Variants in DLGAP1 observed in about 807,000 individuals in gnomAD.
The protein encoded by DLGAP1 is DLG associated protein 1, also known as disks large-associated protein 1.
A neutral mutation model predicts 90.8 loss-of-function variants in DLGAP1; 11 were observed. That is an observed-to-expected ratio of 0.12 (90% CI 0.08 to 0.20). DLGAP1 has a LOEUF of 0.20. Ranked by LOEUF, DLGAP1 falls within the 10% of genes least tolerant of loss-of-function variation. The pLI is 1.00. For missense variants in DLGAP1, 1,050 were observed against 1,333.8 expected, an observed-to-expected ratio of 0.79 and a Z score of 3.31; for synonymous variants, 558 against 540.7, an observed-to-expected ratio of 1.03 and a Z score of -0.44.
At chr18:4,387,933 A>T (rs976893246) in intron 1 of DLGAP1, among the ~76,000 whole-genome samples, 16 of 64,430 alleles carry the variant, frequency 2.5e-4, no homozygotes, top group South Asian at 5.4e-4. Context: ...TCACACATAC[A>T]CACACACACA....
At chr18:3,748,323 A>G (rs1217419821) in intron 5 of DLGAP1, among the ~76,000 whole-genome samples, 4 of 152,242 alleles carry the variant, frequency 2.6e-5, no homozygotes, top group African/African-American at 9.6e-5. Flanking sequence ...GTGTACAGTA[A>G]TCATCAGACC....
intron 3 of DLGAP1, chr18:3,983,070 T>C (rs1347186487): frequency 1.3e-5 from 2 of 152,164 alleles, no homozygotes; most frequent in East Asian, 1.9e-4. Context: ...GAGGGTTCTT[T>C]TGGGTGGTTC....
chr18:4,190,430 T>C (rs964322535), intron 1 of DLGAP1, among the ~76,000 whole-genome samples: 1 of 152,138 alleles, frequency 6.6e-6, no homozygotes, highest in African/African-American at 2.4e-5. Context: ...GAAACTATTC[T>C]GTATGATAAT....
At chr18:4,064,603 A>AT (rs2075346115) in intron 2 of DLGAP1, among the ~76,000 whole-genome samples, 1 of 152,106 alleles carries the variant, frequency 6.6e-6, no homozygotes, top group African/African-American at 2.4e-5. Flanking sequence ...GAAGAAATGG[A>AT]TAAATTCATG....
At chr18:3,982,361 A>G (rs2073750229) in intron 3 of DLGAP1, among the ~76,000 whole-genome samples, 1 of 142,030 alleles carries the variant, frequency 7.0e-6, no homozygotes, top group Non-Finnish European at 1.5e-5. Context: ...CCTTCTTCAG[A>G]TCACCTTTGA....
Position 4,329,644 on chromosome 18 carries a change from C to A in DLGAP1, c.-267+125362G>T, listed in dbSNP as rs1001938290. Among the ~76,000 whole-genome samples the A allele has an allele frequency of 3.9e-5, 6 of 151,958 alleles. No individual in the cohort carries two copies. In the East Asian group the frequency reaches 1.2e-3, roughly 29 times the overall value. On this transcript the variant is annotated intron_variant, in intron 1 of 12. Coordinates refer to ENST00000315677, the MANE Select transcript of DLGAP1 (RefSeq NM_004746.4). Reference sequence around the variant, plus strand: ...AATCTGTGAAAAGGGAATATCTCTCCGTCATTGAGTTCTTTTTAAATTTCT... The same window carrying A: ...AATCTGTGAAAAGGGAATATCTCTCAGTCATTGAGTTCTTTTTAAATTTCT...
intron 2 of DLGAP1, among the ~76,000 whole-genome samples, chr18:4,006,125 A>G (rs534794623): frequency 1.6e-4 from 24 of 152,282 alleles, no homozygotes; most frequent in Non-Finnish European, 3.2e-4. Flanking sequence ...CTTTTACCCC[A>G]TCTTTAATGC....
At chr18:4,238,294 T>A (rs1036247352) in intron 1 of DLGAP1, among the ~76,000 whole-genome samples, 15 of 152,184 alleles carry the variant, frequency 9.9e-5, no homozygotes, top group African/African-American at 3.6e-4. Flanking sequence ...TAAATAGACA[T>A]TCCAAACTAT....
intron 5 of DLGAP1, among the ~76,000 whole-genome samples, chr18:3,805,478 A>G (rs2066519835): frequency 6.6e-6 from 1 of 152,230 alleles, no homozygotes; most frequent in Admixed American, 6.5e-5. Context: ...CAATCACTCA[A>G]GTGAAAAATA....
At position 4,097,229 on chromosome 18, in the gene DLGAP1, T is replaced by C. The variant is rs935595112; in HGVS notation, c.-159+53951A>G. Among the ~76,000 whole-genome samples the C allele has an allele frequency of 5.9e-5, 9 of 152,256 alleles. 1 individual carries two copies. Among genetic ancestry groups the C allele is most frequent in the Non-Finnish European group, 1.5e-5 (1 of 68,050 alleles). ...AACCTCTCACTAGTCTACTGCATTATGCTCAGTCCGTGGTGGGGATCTGAT... is the reference window on the plus strand; with the variant it reads ...AACCTCTCACTAGTCTACTGCATTACGCTCAGTCCGTGGTGGGGATCTGAT... On this transcript the variant is annotated intron_variant, in intron 2 of 12. Coordinates refer to ENST00000315677, the MANE Select transcript of DLGAP1 (RefSeq NM_004746.4).
intron 1 of DLGAP1, chr18:4,294,525 T>C: frequency 6.6e-6 from 1 of 152,412 alleles, no homozygotes; most frequent in Non-Finnish European, 1.5e-5. Flanking sequence ...AGCATGCAGA[T>C]GAGCAGGTGC....
In DLGAP1 at chr18:3,550,734, C is replaced by CTT. The variant is rs1165404588; in HGVS notation, c.2058-16121_2058-16120dup. On this transcript the variant is annotated intron_variant, in intron 9 of 12. Coordinates refer to ENST00000315677, the MANE Select transcript of DLGAP1 (RefSeq NM_004746.4). ...TGACATCTTGATCCAGAACCAGACC[C>CTT]TTTTTTTTTTTTTTTTTTTTTTTGT... Among the ~76,000 whole-genome samples the CTT allele has an allele frequency of 8.3e-3, 705 of 85,260 alleles. 7 individuals carry two copies. Among genetic ancestry groups the CTT allele is most frequent in the East Asian group, 0.014 (34 of 2,438 alleles). 55.9% of individuals were successfully genotyped at this position (85,260 alleles called of 152,430 possible).
intron 2 of DLGAP1, among the ~76,000 whole-genome samples, chr18:4,102,613 C>T (rs2075798399): frequency 1.3e-5 from 2 of 152,274 alleles, no homozygotes; most frequent in South Asian, 4.1e-4. Flanking sequence ...GCCCTACTTA[C>T]TCCATGAAAA....
At chr18:3,848,914 C>T (rs1361486458) in intron 4 of DLGAP1, among the ~76,000 whole-genome samples, 1 of 152,180 alleles carries the variant, frequency 6.6e-6, no homozygotes, top group Non-Finnish European at 1.5e-5. Flanking sequence ...TTTGCTCCTC[C>T]CCCCAACACT....
At chr18:3,510,304 G>T (rs2050468434) in intron 10 of DLGAP1, among the ~76,000 whole-genome samples, 1 of 152,228 alleles carries the variant, frequency 6.6e-6, no homozygotes, top group African/African-American at 2.4e-5. Flanking sequence ...TAGTGTATTT[G>T]AATTGCTTAG....
At chr18:3,832,644 G>C (rs1002783116) in intron 4 of DLGAP1, among the ~76,000 whole-genome samples, 4 of 150,568 alleles carry the variant, frequency 2.7e-5, no homozygotes, top group Non-Finnish European at 5.9e-5. Context: ...AATGTTTTGT[G>C]TTGGAACGGC....
intron 1 of DLGAP1, among the ~76,000 whole-genome samples, chr18:4,304,417 T>G (rs1330220745): frequency 6.6e-6 from 1 of 152,224 alleles, no homozygotes; most frequent in African/African-American, 2.4e-5. Context: ...TTTGTGCTTT[T>G]TCATATTAAT....
intron 1 of DLGAP1, among the ~76,000 whole-genome samples, chr18:4,226,512 A>G (rs2145014184): frequency 6.6e-6 from 1 of 152,166 alleles, no homozygotes; most frequent in East Asian, 1.9e-4. Flanking sequence ...TGGTATAATA[A>G]GATATAAATA....
chr18:3,946,123 AT>A (rs113162706), intron 3 of DLGAP1, among the ~76,000 whole-genome samples: 2,967 of 145,954 alleles, frequency 0.02, 81 homozygotes, highest in African/African-American at 0.067. Flanking sequence ...TTATTCCCTT[AT>A]TTTTTTTTTT....
Sources: gnomAD v4.1 joint callset for allele counts (sites outside exome capture counted in the v4.1 genomes callset) on GRCh38, gnomAD v4.1.1 for gene constraint, MANE v1.5 for transcripts, NCBI Gene and HGNC (gene_info 2026-07-23, HGNC 2026-07-21) for gene names.